Variants in DDX20 observed in about 807,000 individuals in gnomAD.
DDX20 encodes the protein probable ATP-dependent RNA helicase DDX20.
Under a neutral mutation model 76.4 loss-of-function variants are expected in DDX20, and 61 were observed. That is an observed-to-expected ratio of 0.80 (90% CI 0.65 to 0.99). DDX20 has a LOEUF of 0.99. Among genes scored for constraint, DDX20 ranks in the 50% least tolerant of loss-of-function variants. DDX20 has a pLI of 0.00. For missense variants in DDX20, 976 were observed against 996.8 expected (o/e 0.98, Z 0.28); for synonymous variants, 357 against 357.4 (o/e 1.00, Z 0.01).
Position 111,766,488 on chromosome 1 carries a change from G to T in DDX20, c.2064G>T (p.Thr688=), listed in dbSNP as rs150262623. The T allele has an allele frequency of 6.2e-7, 1 of 1,614,112 alleles. No homozygotes were observed. Among genetic ancestry groups the T allele is most frequent in the Non-Finnish European group, 8.5e-7 (1 of 1,179,994 alleles). Residue 688 remains threonine, a synonymous_variant, in exon 11 of 11, where the codon ACG becomes ACT. Transcript: ENST00000369702. The part of the protein sequence containing the change: ...SDNQLKDSES[T]PVDDRISLEQ... ...ATCAGCTGAAAGACTCTGAATCTACGCCTGTGGATGATCGTATTTCTTTGG... is the reference window on the plus strand; with the variant it reads ...ATCAGCTGAAAGACTCTGAATCTACTCCTGTGGATGATCGTATTTCTTTGG...
In DDX20 at chr1:111,764,430, C is replaced by G. The variant is rs143676808; in HGVS notation, c.1313-1307C>G. Among the ~76,000 whole-genome samples the G allele has an allele frequency of 1.8e-3, 267 of 152,232 alleles. 2 individuals are homozygous for G. The highest frequency in any genetic ancestry group is 6.8e-3 in the Middle Eastern group (2 of 294). On this transcript the variant is annotated intron_variant, in intron 10 of 10. Transcript: ENST00000369702. ...TAGATTAAGCACAGATCTGGGAGTT[C>G]TATGTATTCTAGTAGATCGGGTTAG...
intron 3 of DDX20, among the ~76,000 whole-genome samples, chr1:111,759,973 C>CAAAAAAAAA (rs754870294): frequency 3.5e-5 from 2 of 57,610 alleles, no homozygotes; most frequent in Non-Finnish European, 7.3e-5. Context: ...GACTCCATCT[C>CAAAAAAAAA]AAAAAAAAAA....
At position 111,762,111 on chromosome 1, in the gene DDX20, G is replaced by T. The variant is rs1430806176; in HGVS notation, c.1022-144G>T. 8.4e-6 allele frequency: 5 copies of T among 593,550 alleles called. No individual in the cohort carries two copies. The East Asian group carries it at 1.5e-4, about 17-fold the overall frequency. The allele number at this position is 593,550 out of a possible 1,614,324, so 36.8% of individuals were successfully genotyped here. A position where few individuals can be genotyped will look rare whatever the true frequency, so the allele number is the denominator to read the frequency against. ...GATTTTAACTTTGGATCTTAACCTA[G>T]ATTTGCACAGAAGGACAGAATTAAC... On this transcript the variant is annotated intron_variant, in intron 7 of 10. Transcript: ENST00000369702.
chr1:111,763,122 T>G, intron 10 of DDX20, 115 bp downstream of exon 10: 1 of 766,214 alleles, frequency 1.3e-6, no homozygotes, highest in Non-Finnish European at 2.1e-6. Flanking sequence ...TTCCCAGTCC[T>G]GTATGTACGT....
chr1:111,757,165 A>G (rs1470207910), intron 2 of DDX20, among the ~76,000 whole-genome samples: 2 of 150,644 alleles, frequency 1.3e-5, no homozygotes, highest in Non-Finnish European at 3.0e-5. Context: ...TGATCCTCCC[A>G]CCCATCTTCC....
At chr1:111,762,469 G>T in intron 8 of DDX20, 132 bp downstream of exon 8, 1 of 868,456 alleles carries the variant, frequency 1.2e-6, no homozygotes, top group South Asian at 1.7e-5. Context: ...TCTTTCCAGT[G>T]CTGAGGAAAA....
Position 111,766,692 on chromosome 1 carries a change from T to C in DDX20, c.2268T>C (p.Tyr756=), listed in dbSNP as rs757645834. The C allele has an allele frequency of 2.5e-5, 41 of 1,614,072 alleles. No individual in the cohort carries two copies. Among genetic ancestry groups the C allele is most frequent in the Non-Finnish European group, 3.5e-5 (41 of 1,180,012 alleles). Reference sequence around the variant, plus strand: ...CTGAAGCCCAGGAAGATGATTGGTATGACTGTCATAGGGAAATACGTCTGA... The same window carrying C: ...CTGAAGCCCAGGAAGATGATTGGTACGACTGTCATAGGGAAATACGTCTGA... The part of the protein sequence containing the change: ...LQTEAQEDDW[Y]DCHREIRLSF... The change falls in exon 11 of 11, where the codon TAT becomes TAC. Residue 756 remains tyrosine (Y), a synonymous_variant. Transcript: ENST00000369702.
intron 10 of DDX20, among the ~76,000 whole-genome samples, chr1:111,763,572 C>CA (rs372268470): frequency 0.083 from 8,205 of 98,666 alleles, 247 homozygotes; most frequent in Non-Finnish European, 0.099. Flanking sequence ...AACTCCGTCT[C>CA]AAAAAAAAAA....
intron 2 of DDX20, among the ~76,000 whole-genome samples, chr1:111,757,290 A>G (rs772820685): frequency 2.6e-5 from 4 of 152,098 alleles, no homozygotes; most frequent in South Asian, 4.1e-4. Context: ...GGTTCAAGCA[A>G]TCCTCCCACC....
intron 3 of DDX20, among the ~76,000 whole-genome samples, chr1:111,759,950 G>T (rs1172220438): frequency 6.9e-6 from 1 of 144,938 alleles, no homozygotes; most frequent in Non-Finnish European, 1.5e-5. Context: ...CTCCAGCCTG[G>T]GTGACAGAGC....
Position 111,756,240 on chromosome 1 carries a change from C to G in DDX20, c.301+15C>G. 1 of 1,398,586 alleles carries G rather than the reference C, an allele frequency of 7.2e-7. No homozygotes were observed. The highest frequency in any genetic ancestry group is 1.5e-5 in the South Asian group (1 of 64,722). 86.6% of individuals were successfully genotyped at this position (1,398,586 alleles called of 1,614,324 possible). On this transcript the variant is annotated intron_variant, in intron 1 of 10. Transcript: ENST00000369702. ...CTGCGGGCTCGGTGAGAGCGGGGGC[C>G]CGGGATAGGTCGGGGGGTGGGGTGG...
chr1:111,762,086 G>T (rs1346693991), intron 7 of DDX20, 169 bp from the exon 8 acceptor site: 1 of 536,580 alleles, frequency 1.9e-6, no homozygotes, highest in Non-Finnish European at 3.3e-6. Context: ...TAGTTTAAAA[G>T]ATTTTAACTT....
chr1:111,756,140 G>T lies in DDX20; in HGVS notation c.216G>T (p.Pro72=). ...ADFESLLLSR[P]VLEGLRAAGF... Reference sequence around the variant, plus strand: ...TCGAGTCACTGCTGCTTTCGCGGCCGGTGCTGGAGGGGCTGCGGGCGGCCG... The same window carrying T: ...TCGAGTCACTGCTGCTTTCGCGGCCTGTGCTGGAGGGGCTGCGGGCGGCCG... Residue 72 remains proline (P), a synonymous_variant, in exon 1 of 11, where the codon CCG becomes CCT. Coordinates refer to ENST00000369702, the MANE Select transcript of DDX20 (RefSeq NM_007204.5). 3 of 1,575,218 alleles carry T rather than the reference G, an allele frequency of 1.9e-6. No homozygotes were observed. The highest frequency in any genetic ancestry group is 2.3e-5 in the East Asian group (1 of 43,374).
intron 2 of DDX20, among the ~76,000 whole-genome samples, chr1:111,758,794 T>C (rs1663615856): frequency 1.3e-5 from 2 of 152,248 alleles, no homozygotes; most frequent in Non-Finnish European, 2.9e-5. Context: ...TTTTGTTTAC[T>C]GTATATATTC....
rs1018716680 is a variant in DDX20, at chr1:111,759,448, G to A, written c.445G>A (p.Val149Ile). The change falls in exon 3 of 11, where the codon GTT becomes ATT. Residue 149 changes from valine (V) to isoleucine (I), a missense_variant. Val to Ile is a conservative substitution (Grantham distance 29). Around this residue, in one of 3 missense-constraint regions of DDX20, gnomAD observed 343 missense variants for 286.4 expected, o/e 1.20. Coordinates refer to ENST00000369702, the MANE Select transcript of DDX20 (RefSeq NM_007204.5). ...AGAAATTGCTGTACAGATACATTCT[G>A]TTATTACAGCCATTGGAATAAAAAT... ...TREIAVQIHS[V>I]ITAIGIKMEG... is the part of the protein sequence containing the mutation. 2 of 1,613,240 alleles carry A rather than the reference G, an allele frequency of 1.2e-6. No homozygotes were observed. The highest frequency in any genetic ancestry group is 8.5e-7 in the Non-Finnish European group (1 of 1,179,692).
Position 111,767,187 on chromosome 1 carries a change from C to A in DDX20, c.*288C>A. 4.0e-6 allele frequency: 1 copy of A among 247,620 alleles called. No homozygotes were observed. 15.3% of individuals were successfully genotyped at this position (247,620 alleles called of 1,614,324 possible). ...GGGTGCCATTTTCTATAAGATCTTC[C>A]CAAAAGAAACATTTAAAAAGATGAC... On this transcript the variant is annotated 3_prime_UTR_variant, in exon 11 of 11. Coordinates refer to ENST00000369702, the MANE Select transcript of DDX20 (RefSeq NM_007204.5).
At position 111,763,883 on chromosome 1, in the gene DDX20, C is replaced by G. The variant is rs6701787; in HGVS notation, c.1312+876C>G. On this transcript the variant is annotated intron_variant, in intron 10 of 10. Coordinates refer to ENST00000369702, the MANE Select transcript of DDX20 (RefSeq NM_007204.5). ...AAAACTAGTAATGATCTCTTAAAAACAAAAAATTCTAAAAAACCCTTGAGT... is the reference window on the plus strand; with the variant it reads ...AAAACTAGTAATGATCTCTTAAAAAGAAAAAATTCTAAAAAACCCTTGAGT... Among the ~76,000 whole-genome samples the G allele has an allele frequency of 4.0e-3, 609 of 152,194 alleles. 6 individuals are homozygous for G. The highest frequency in any genetic ancestry group is 0.014 in the African/African-American group (584 of 41,528).
In DDX20 at chr1:111,767,864, C is replaced by T. The variant is rs1159998573; in HGVS notation, c.*965C>T. The T allele has an allele frequency of 2.0e-5, 3 of 152,154 alleles. No homozygotes were observed. The highest frequency in any genetic ancestry group is 7.2e-5 in the African/African-American group (3 of 41,438). The allele number at this position is 152,154 out of a possible 1,614,324, so 9.4% of individuals were successfully genotyped here. ...TGGAATTGATTCTCTTCAGACACTTCTTAGTACATCCTAATTTTGTGTCTT... is the reference window on the plus strand; with the variant it reads ...TGGAATTGATTCTCTTCAGACACTTTTTAGTACATCCTAATTTTGTGTCTT... On this transcript the variant is annotated 3_prime_UTR_variant, in exon 11 of 11. Coordinates refer to ENST00000369702, the MANE Select transcript of DDX20 (RefSeq NM_007204.5).
At chr1:111,757,187 G>A (rs1326772224) in intron 2 of DDX20, among the ~76,000 whole-genome samples, 3 of 151,970 alleles carry the variant, frequency 2.0e-5, no homozygotes, top group Non-Finnish European at 4.4e-5. Context: ...AAGTATTTGG[G>A]ACTACAGGTG....
Sources: gnomAD v4.1 joint callset for allele counts (sites outside exome capture counted in the v4.1 genomes callset) on GRCh38, gnomAD v4.1.1 for gene constraint, gnomAD v4.1.1 regional missense constraint, MANE v1.5 for transcripts, NCBI Gene and HGNC (gene_info 2026-07-23, HGNC 2026-07-21) for gene names.